The following NKAIN3 variants were observed in gnomAD, a reference collection of about 807,000 sequenced individuals.
The protein encoded by NKAIN3 is sodium/potassium-transporting ATPase subunit beta-1-interacting protein 3.
Under a neutral mutation model 30.2 loss-of-function variants are expected in NKAIN3, and 25 were observed. That is an observed-to-expected ratio of 0.83 (90% CI 0.60 to 1.16). NKAIN3 has a LOEUF of 1.16. NKAIN3 is among the 50% of genes most tolerant of loss of function. The pLI, the probability that NKAIN3 is intolerant of heterozygous loss-of-function variation, is 0.00. For synonymous variants in NKAIN3, 91 were observed against 89.6 expected (o/e 1.02, Z -0.09); for missense variants, 225 against 254.1 (o/e 0.89, Z 0.78).
chr8:62,748,231 C>A (rs1816151966), intron 4 of NKAIN3, among the ~76,000 whole-genome samples: 1 of 152,078 alleles, frequency 6.6e-6, no homozygotes, highest in African/African-American at 2.4e-5. Flanking sequence ...CTGATGTGAG[C>A]CTGTCAATCT....
intron 4 of NKAIN3, among the ~76,000 whole-genome samples, chr8:62,865,616 C>T (rs761554066): frequency 6.6e-6 from 1 of 152,040 alleles, no homozygotes; most frequent in African/African-American, 2.4e-5. Context: ...AAATACTTTC[C>T]CCTTTGTGTT....
chr8:62,965,170 C>T (rs1823673231), intron 6 of NKAIN3, among the ~76,000 whole-genome samples, 184 bp from the exon 7 acceptor site: 1 of 152,080 alleles, frequency 6.6e-6, no homozygotes, highest in African/African-American at 2.4e-5. Context: ...TGATGATGCC[C>T]GATTACCATG....
At chr8:62,651,829 C>T (rs865866084) in intron 3 of NKAIN3, among the ~76,000 whole-genome samples, 1 of 152,012 alleles carries the variant, frequency 6.6e-6, no homozygotes, top group South Asian at 2.1e-4. Context: ...AAGTCTAGGA[C>T]CTCCCTCCTC....
In NKAIN3 at chr8:62,290,373, G is replaced by C. The variant is rs533279261; in HGVS notation, c.54+41246G>C. ...TTGCCCATTCAGTATGATATTGGCT[G>C]TGGGTTTGTCATAAATAGCTCCTAT... On this transcript the variant is annotated intron_variant, in intron 1 of 6. Coordinates refer to ENST00000623646, the MANE Select transcript of NKAIN3 (RefSeq NM_001304533.3). Among the ~76,000 whole-genome samples the C allele has an allele frequency of 1.3e-3, 201 of 152,264 alleles. 1 individual carries two copies. Among genetic ancestry groups the C allele is most frequent in the African/African-American group, 4.7e-3 (196 of 41,556 alleles).
chr8:62,285,236 A>C (rs1052548079), intron 1 of NKAIN3, among the ~76,000 whole-genome samples: 33 of 152,200 alleles, frequency 2.2e-4, no homozygotes, highest in African/African-American at 7.0e-4. Context: ...TATTGATCTG[A>C]AGTTGCCAGC....
At chr8:62,956,921 G>T (rs575177464) in intron 6 of NKAIN3, among the ~76,000 whole-genome samples, 1 of 152,316 alleles carries the variant, frequency 6.6e-6, no homozygotes, top group Non-Finnish European at 1.5e-5. Flanking sequence ...GCGAGGAAAG[G>T]CTTCCCTGAG....
At chr8:62,956,571 A>G (rs1041991818) in intron 6 of NKAIN3, among the ~76,000 whole-genome samples, 1 of 152,184 alleles carries the variant, frequency 6.6e-6, no homozygotes, top group East Asian at 1.9e-4. Flanking sequence ...GAATGTGTAT[A>G]GGGGAAGTGG....
rs1323467448 is a variant in NKAIN3 at position 62,965,528 on chromosome 8, T to C, written c.*121T>C. The C allele has an allele frequency of 1.0e-6, 1 of 985,222 alleles. No homozygotes were observed. Among genetic ancestry groups the C allele is most frequent in the Non-Finnish European group, 1.2e-6 (1 of 829,852 alleles). 61.0% of individuals were successfully genotyped at this position (985,222 alleles called of 1,614,324 possible). ...CATGGAGCATTTTGGTCACAGCCTTTGTATTATTAGCATTGTTCTCTAGAT... is the reference window on the plus strand; with the variant it reads ...CATGGAGCATTTTGGTCACAGCCTTCGTATTATTAGCATTGTTCTCTAGAT... On this transcript the variant is annotated 3_prime_UTR_variant, in exon 7 of 7. Coordinates refer to ENST00000623646, the MANE Select transcript of NKAIN3 (RefSeq NM_001304533.3).
intron 4 of NKAIN3, among the ~76,000 whole-genome samples, chr8:62,785,227 G>A (rs1437089817): frequency 6.6e-5 from 10 of 152,058 alleles, no homozygotes; most frequent in Non-Finnish European, 1.3e-4. Flanking sequence ...TTCATACAAT[G>A]AAATGTTATT....
At chr8:62,734,277 T>C (rs540912217) in intron 3 of NKAIN3, among the ~76,000 whole-genome samples, 77 of 152,324 alleles carry the variant, frequency 5.1e-4, no homozygotes, top group Middle Eastern at 3.4e-3. Flanking sequence ...AGCAAGTTCC[T>C]GTCTCAAACA....
At chr8:62,643,748 C>T (rs1040521164) in intron 3 of NKAIN3, among the ~76,000 whole-genome samples, 34 of 152,098 alleles carry the variant, frequency 2.2e-4, no homozygotes, top group Non-Finnish European at 4.4e-4. Flanking sequence ...ACATTCCGAA[C>T]GTTACTAAGC....
chr8:62,904,672 C>A (rs1410900515), intron 4 of NKAIN3, among the ~76,000 whole-genome samples: 2 of 152,318 alleles, frequency 1.3e-5, no homozygotes, highest in African/African-American at 4.8e-5. Flanking sequence ...ATTTCAGACA[C>A]CCTGGTTTTC....
chr8:62,822,759 G>A (rs1563579355), intron 4 of NKAIN3, among the ~76,000 whole-genome samples: 1 of 152,090 alleles, frequency 6.6e-6, no homozygotes, highest in Admixed American at 6.5e-5. Flanking sequence ...AAATGCAGTC[G>A]TGCATCACTT....
chr8:62,318,943 G>A (rs1232933598), intron 1 of NKAIN3, among the ~76,000 whole-genome samples: 1 of 152,102 alleles, frequency 6.6e-6, no homozygotes, highest in Non-Finnish European at 1.5e-5. Context: ...GTAGAATTCG[G>A]CTGTGAATCC....
At chr8:62,505,508 T>C (rs1807603418) in intron 1 of NKAIN3, among the ~76,000 whole-genome samples, 1 of 152,146 alleles carries the variant, frequency 6.6e-6, no homozygotes, top group African/African-American at 2.4e-5. Context: ...TTATAATAAA[T>C]ATAGAAGCAT....
chr8:62,391,155 A>G (rs887974448), intron 1 of NKAIN3, among the ~76,000 whole-genome samples: 21 of 152,036 alleles, frequency 1.4e-4, no homozygotes, highest in African/African-American at 5.1e-4. Context: ...AGAAATTGAA[A>G]CTAGATTTCT....
intron 1 of NKAIN3, among the ~76,000 whole-genome samples, chr8:62,536,269 G>C (rs1314927721): frequency 6.6e-6 from 1 of 151,976 alleles, no homozygotes; most frequent in African/African-American, 2.4e-5. Context: ...AAAGCAATGC[G>C]GGCAAGCTCC....
intron 1 of NKAIN3, among the ~76,000 whole-genome samples, chr8:62,426,048 C>T (rs184233106): frequency 6.6e-6 from 1 of 151,930 alleles, no homozygotes. Flanking sequence ...GTTTTTCACA[C>T]TCTTCAAAAA....
At chr8:62,576,840 TAAC>T (rs1346414437) in intron 1 of NKAIN3, among the ~76,000 whole-genome samples, 1 of 152,102 alleles carries the variant, frequency 6.6e-6, no homozygotes. Context: ...TTTTCTGACT[TAAC>T]AAAGCAACTT....
Sources: gnomAD v4.1 joint callset for allele counts (sites outside exome capture counted in the v4.1 genomes callset) on GRCh38, gnomAD v4.1.1 for gene constraint, MANE v1.5 for transcripts, NCBI Gene and HGNC (gene_info 2026-07-23, HGNC 2026-07-21) for gene names.